The following TSPAN15 variants were observed in gnomAD, a reference collection of about 807,000 sequenced individuals.
The protein encoded by TSPAN15 is tetraspanin-15.
In TSPAN15, 20 loss-of-function variants were observed where a neutral mutation model predicts 34.5. That is an observed-to-expected ratio of 0.58 (90% CI 0.41 to 0.84). The LOEUF (loss-of-function observed/expected upper bound fraction) is 0.84, where lower values mean the gene tolerates loss of function less well. TSPAN15 is among the 40% of genes least tolerant of loss of function. The probability of loss-of-function intolerance (pLI) is 0.00; values close to 1 mark genes in which losing one functional copy is unlikely to be tolerated. For missense variants in TSPAN15, 313 were observed against 386.1 expected (o/e 0.81, Z 1.59); for synonymous variants, 155 against 153.9 (o/e 1.01, Z -0.05).
chr10:69,460,089 G>A (rs1286992677), intron 1 of TSPAN15, among the ~76,000 whole-genome samples: 1 of 151,952 alleles, frequency 6.6e-6, no homozygotes, highest in Non-Finnish European at 1.5e-5. Context: ...AATCCGTCTT[G>A]TCAGAGGAGG....
Position 69,506,707 on chromosome 10 carries a change from C to A in TSPAN15, c.736-122C>A. 1.0e-6 allele frequency: 1 copy of A among 990,104 alleles called. No homozygotes were observed. The highest frequency in any genetic ancestry group is 1.5e-6 in the Non-Finnish European group (1 of 664,404). 61.3% of individuals were successfully genotyped at this position (990,104 alleles called of 1,614,324 possible). On this transcript the variant is annotated intron_variant, in intron 7 of 7. Transcript: ENST00000373290. This position sits in a 1 kb window ranked among gnomAD's most constrained non-coding sequence, Gnocchi z 4.7. ...GAGAAGTCTCTGCTGTGGGTGTTGC[C>A]CAGGTCACACAGGACCATGAGGGCT...
intron 3 of TSPAN15, among the ~76,000 whole-genome samples, chr10:69,493,363 G>A (rs1271084398): frequency 6.6e-6 from 1 of 152,184 alleles, no homozygotes; most frequent in Non-Finnish European, 1.5e-5. Flanking sequence ...TTCTCTTGGG[G>A]CTGACTCCAG....
chr10:69,527,000 T>C, the TSPAN15 span, among the ~76,000 whole-genome samples: 4 of 147,706 alleles, frequency 2.7e-5, no homozygotes, highest in Non-Finnish European at 4.5e-5. Context: ...TGAAAACATA[T>C]GTTCACAGAA....
In TSPAN15 at chr10:69,506,764, G is replaced by C; in HGVS notation, c.736-65G>C. On this transcript the variant is annotated intron_variant, in intron 7 of 7. Coordinates refer to ENST00000373290, the MANE Select transcript of TSPAN15 (RefSeq NM_012339.5). This position sits in a 1 kb window ranked among gnomAD's most constrained non-coding sequence, Gnocchi z 4.7. ...TGGCTGCTTGGGTTTCTGGGAGCCG[G>C]GAGCTGCAGGGAGGGCTGCCCTGAT... The C allele has an allele frequency of 6.6e-7, 1 of 1,510,082 alleles. No individual in the cohort carries two copies. Among genetic ancestry groups the C allele is most frequent in the Non-Finnish European group, 9.0e-7 (1 of 1,113,328 alleles). 93.5% of individuals were successfully genotyped at this position (1,510,082 alleles called of 1,614,324 possible). A position where few individuals can be genotyped will look rare whatever the true frequency, so the allele number is the denominator to read the frequency against.
chr10:69,539,683 T>TGGGGCTGATTCCATGGTGA, the TSPAN15 span, among the ~76,000 whole-genome samples: 1 of 152,112 alleles, frequency 6.6e-6, no homozygotes, highest in African/African-American at 2.4e-5. Flanking sequence ...GAAATTAGTT[T>TGGGGCTGATTCCATGGTGA]GGGGCTGATT....
chr10:69,506,251 C>T lies in TSPAN15; in HGVS notation c.735+11C>T, dbSNP rs189467146. 1.7e-3 allele frequency: 2,711 copies of T among 1,612,016 alleles called. 3 individuals carry two copies. The highest frequency in any genetic ancestry group is 2.1e-3 in the Admixed American group (124 of 60,010). On this transcript the variant is annotated intron_variant, in intron 7 of 7. Transcript: ENST00000373290. This position sits in a 1 kb window ranked among gnomAD's most constrained non-coding sequence, Gnocchi z 4.7. ...ATCCTGCTTCCCCAGGTGGGCAGGCCGTGGGTTCAGAGAAAGTGTGACTTG... is the reference window on the plus strand; with the variant it reads ...ATCCTGCTTCCCCAGGTGGGCAGGCTGTGGGTTCAGAGAAAGTGTGACTTG...
chr10:69,502,724 T>C (rs1589654587), intron 5 of TSPAN15, among the ~76,000 whole-genome samples: 1 of 151,988 alleles, frequency 6.6e-6, no homozygotes, highest in South Asian at 2.1e-4. Flanking sequence ...CAGGGTGAGG[T>C]GAGTCCCCCC....
At chr10:69,512,284 G>A (rs1160782431), downstream of TSPAN15, among the ~76,000 whole-genome samples, 1 of 152,154 alleles carries the variant, frequency 6.6e-6, no homozygotes, top group African/African-American at 2.4e-5. Context: ...AATAATATTT[G>A]TGCAGCCTAC....
intron 1 of TSPAN15, among the ~76,000 whole-genome samples, chr10:69,462,060 G>A (rs1841274299): frequency 6.6e-6 from 1 of 151,282 alleles, no homozygotes; most frequent in African/African-American, 2.4e-5. Context: ...GGCTCACTGT[G>A]GCCTTGACCT....
At chr10:69,472,182 G>A (rs74513649) in intron 1 of TSPAN15, among the ~76,000 whole-genome samples, 30 of 151,806 alleles carry the variant, frequency 2.0e-4, no homozygotes, top group African/African-American at 6.8e-4. Context: ...CTCCCTGTTC[G>A]CCTCCCCTTC....
At chr10:69,496,649 C>T (rs1235011712) in intron 4 of TSPAN15, among the ~76,000 whole-genome samples, 1 of 152,170 alleles carries the variant, frequency 6.6e-6, no homozygotes, top group East Asian at 1.9e-4. Flanking sequence ...GACAGCACTT[C>T]CTGGGACATA....
At chr10:69,474,366 G>A (rs1311929754) in intron 1 of TSPAN15, among the ~76,000 whole-genome samples, 3 of 152,176 alleles carry the variant, frequency 2.0e-5, no homozygotes, top group East Asian at 3.8e-4. Context: ...GGCCAGTGGA[G>A]GAATAGGGGA....
intron 1 of TSPAN15, among the ~76,000 whole-genome samples, chr10:69,480,964 C>T (rs978440052): frequency 1.1e-4 from 16 of 152,190 alleles, no homozygotes; most frequent in Admixed American, 1.3e-4. Context: ...TCCTAAAGTG[C>T]TGGGATTACA....
intron 1 of TSPAN15, among the ~76,000 whole-genome samples, chr10:69,452,942 C>A (rs1841005876): frequency 1.3e-5 from 2 of 152,208 alleles, no homozygotes; most frequent in African/African-American, 4.8e-5. Flanking sequence ...CCTGTGACCC[C>A]TTTGTGGGTG....
chr10:69,497,144 G>T (rs947552724), intron 4 of TSPAN15, among the ~76,000 whole-genome samples: 14 of 152,252 alleles, frequency 9.2e-5, no homozygotes, highest in African/African-American at 3.4e-4. Context: ...TTTGACCTTG[G>T]GTCTGTTCCA....
intron 3 of TSPAN15, chr10:69,495,112 C>G (rs1052230176): frequency 1.3e-5 from 2 of 158,354 alleles, no homozygotes; most frequent in African/African-American, 2.4e-5. Context: ...CCCCAAGTCT[C>G]GAGCTCCTCA....
intron 3 of TSPAN15, 57 bp downstream of exon 3, chr10:69,485,272 C>CT: frequency 3.3e-6 from 5 of 1,514,036 alleles, no homozygotes; most frequent in Non-Finnish European, 4.6e-6. Flanking sequence ...ACTGTGGGTG[C>CT]CTTGGGCTAA....
chr10:69,546,780 C>G, the TSPAN15 span, among the ~76,000 whole-genome samples: 1 of 152,138 alleles, frequency 6.6e-6, no homozygotes, highest in African/African-American at 2.4e-5. Flanking sequence ...TAACAAATGT[C>G]ACTGCTCAGT....
At chr10:69,481,595 C>A (rs951201068) in intron 1 of TSPAN15, among the ~76,000 whole-genome samples, 2 of 152,142 alleles carry the variant, frequency 1.3e-5, no homozygotes, top group African/African-American at 4.8e-5. Flanking sequence ...GTAAGGAGAC[C>A]CATGAAGTCA....
Sources: gnomAD v4.1 joint callset for allele counts (sites outside exome capture counted in the v4.1 genomes callset) on GRCh38, gnomAD v4.1.1 for gene constraint, Gnocchi (gnomAD v3.1) non-coding constraint, MANE v1.5 for transcripts, NCBI Gene and HGNC (gene_info 2026-07-23, HGNC 2026-07-21) for gene names.